Variants in NKTR observed in about 807,000 individuals in gnomAD.
The protein encoded by NKTR is NK-tumor recognition protein.
Under a neutral mutation model 156.3 loss-of-function variants are expected in NKTR, and 67 were observed. The observed-to-expected ratio is 0.43, with a 90% CI of 0.35 to 0.53. The LOEUF is 0.53. Ranked by LOEUF, NKTR falls within the 20% of genes least tolerant of loss-of-function variation. The pLI is 0.01. For missense variants in NKTR, 1,604 were observed against 1,730.9 expected (o/e 0.93, Z 1.30); for synonymous variants, 640 against 596.6 (o/e 1.07, Z -1.06).
chr3:42,617,910 A>C (rs1005892026), intron 3 of NKTR, among the ~76,000 whole-genome samples: 4 of 152,220 alleles, frequency 2.6e-5, no homozygotes, highest in Non-Finnish European at 5.9e-5. Context: ...ATTTTAATTT[A>C]TAAAATAATA....
intron 14 of NKTR, 89 bp from the exon 15 acceptor site, chr3:42,643,250 C>T (rs1710048468): frequency 2.0e-6 from 2 of 1,015,326 alleles, no homozygotes; most frequent in South Asian, 3.1e-5. Context: ...GTATTTTCAC[C>T]TTGATGGGCA....
chr3:42,606,143 T>G (rs1706209364), intron 2 of NKTR, among the ~76,000 whole-genome samples: 1 of 152,204 alleles, frequency 6.6e-6, no homozygotes, highest in African/African-American at 2.4e-5. Flanking sequence ...GTTGTAGGGT[T>G]TCCTCAATGA....
At chr3:42,611,638 C>G (rs947924699) in intron 2 of NKTR, among the ~76,000 whole-genome samples, 1 of 150,548 alleles carries the variant, frequency 6.6e-6, no homozygotes, top group Admixed American at 6.6e-5. Flanking sequence ...GAGGCTGAGG[C>G]AGGAGAATTG....
chr3:42,629,456 T>C, intron 6 of NKTR: 1 of 957,052 alleles, frequency 1.0e-6, no homozygotes, highest in African/African-American at 1.8e-5. Flanking sequence ...AGAATAAATA[T>C]TTTTAGCATT....
chr3:42,638,379 A>C lies in NKTR; in HGVS notation c.2675A>C (p.Glu892Ala), dbSNP rs548908309. 4.3e-6 allele frequency: 7 copies of C among 1,614,064 alleles called. No homozygotes were observed. The highest frequency in any genetic ancestry group is 5.9e-6 in the Non-Finnish European group (7 of 1,180,000). Residue 892 changes from glutamate (E) to alanine (A), a missense_variant, in exon 13 of 17, where the codon GAA (glutamate) becomes GCA (alanine). Physicochemically the swap from Glu to Ala is moderately radical, Grantham distance 107 (BLOSUM62 -1). This residue lies in a region of NKTR where 1,255 missense variants were observed against 1,243.7 expected (regional missense o/e 1.01). Coordinates refer to ENST00000232978, the MANE Select transcript of NKTR (RefSeq NM_005385.4). ...GSKWDSESNS[E>A]RDVTKNSKND... ...AAATGGGACTCTGAGTCAAATTCAG[A>C]ACGAGATGTCACTAAAAACAGTAAA...
At chr3:42,643,788 T>C in intron 15 of NKTR, 114 bp from the exon 16 acceptor site, 1 of 716,332 alleles carries the variant, frequency 1.4e-6, no homozygotes, top group Non-Finnish European at 2.5e-6. Flanking sequence ...ATCCTCATGC[T>C]GTCACCTAGT....
At chr3:42,631,426 C>A in intron 8 of NKTR, 110 bp downstream of exon 8, 2 of 1,225,918 alleles carry the variant, frequency 1.6e-6, no homozygotes, top group Non-Finnish European at 2.2e-6. Context: ...GCCCTTGGTG[C>A]CCCTGAATCA....
In NKTR at chr3:42,635,235, T is replaced by A. The variant is rs1174670024; in HGVS notation, c.1032T>A (p.Pro344=). 1 of 1,612,206 alleles carries A rather than the reference T, an allele frequency of 6.2e-7. No individual in the cohort carries two copies. Among genetic ancestry groups the A allele is most frequent in the East Asian group, 2.2e-5 (1 of 44,826 alleles). ...KGRGTIRYHT[P]PRSRSCSESD... is the part of the protein sequence containing the mutation. ...TGTTTTTAAAGCGCTATCACACACC[T>A]CCAAGATCAAGATCCTGTTCTGAGT... Residue 344 remains proline, a synonymous_variant, in exon 12 of 17, where the codon CCT becomes CCA. Coordinates refer to ENST00000232978, the MANE Select transcript of NKTR (RefSeq NM_005385.4).
intron 12 of NKTR, 39 bp from the exon 13 acceptor site, chr3:42,636,829 C>G (rs1301221291): frequency 2.6e-6 from 4 of 1,518,118 alleles, no homozygotes; most frequent in Non-Finnish European, 3.5e-6. Context: ...AGAAAACATG[C>G]TTATAAATCA....
chr3:42,620,137 G>T, intron 5 of NKTR: 1 of 1,443,754 alleles, frequency 6.9e-7, no homozygotes, highest in Non-Finnish European at 9.1e-7. Flanking sequence ...GGTTGTGGCT[G>T]GATTTCTATA....
Position 42,639,763 on chromosome 3 carries a change from C to G in NKTR, c.4046+13C>G, listed in dbSNP as rs1218629880. On this transcript the variant is annotated intron_variant, in intron 13 of 16. Coordinates refer to ENST00000232978, the MANE Select transcript of NKTR (RefSeq NM_005385.4). ...CATCATCTTATCGGTGAGCAATATT[C>G]TCTTTCCTTTCTTCTCCCAAGGAGA... 1 of 1,555,520 alleles carries G rather than the reference C, an allele frequency of 6.4e-7. No homozygotes were observed. Among genetic ancestry groups the G allele is most frequent in the Non-Finnish European group, 8.8e-7 (1 of 1,140,926 alleles).
At chr3:42,629,958 A>G in intron 6 of NKTR, 5 of 985,390 alleles carry the variant, frequency 5.1e-6, no homozygotes, top group South Asian at 9.4e-5. Flanking sequence ...TCCCTATCGC[A>G]TTTTCAGAGT....
chr3:42,628,130 T>C, intron 6 of NKTR: 4 of 983,282 alleles, frequency 4.1e-6, no homozygotes, highest in Middle Eastern at 5.2e-4. Context: ...TTAAATACTT[T>C]TAGTATTCTT....
intron 2 of NKTR, chr3:42,602,963 T>C (rs909823822): frequency 4.0e-5 from 6 of 150,716 alleles, no homozygotes; most frequent in Admixed American, 6.6e-5. Context: ...GAAGCAGAGG[T>C]TGCAGTGAGT....
At chr3:42,613,313 T>C (rs540798091) in intron 2 of NKTR, among the ~76,000 whole-genome samples, 49 of 152,298 alleles carry the variant, frequency 3.2e-4, no homozygotes, top group Middle Eastern at 6.8e-3. Flanking sequence ...CCCTGACATA[T>C]GGGTAAGATC....
At chr3:42,610,191 A>G (rs1337499356) in intron 2 of NKTR, among the ~76,000 whole-genome samples, 4 of 152,038 alleles carry the variant, frequency 2.6e-5, no homozygotes, top group African/African-American at 9.7e-5. Flanking sequence ...TTTAGTAGAG[A>G]CGGGGTTTCT....
chr3:42,619,015 TCCAG>T lies in NKTR; in HGVS notation c.134-4_134-1del. 6.5e-7 allele frequency: 1 copy of T among 1,540,242 alleles called. No individual in the cohort carries two copies. Among genetic ancestry groups the T allele is most frequent in the Non-Finnish European group, 8.7e-7 (1 of 1,147,276 alleles). ...TTCATTTCTTTTTTTTTTTTTTTTT[TCCAG>T]GAGAGAAAGGCCTTGGGAAAACAAC... On this transcript the variant is annotated splice_acceptor_variant and splice_polypyrimidine_tract_variant and intron_variant, in intron 3 of 16. Coordinates refer to ENST00000232978, the MANE Select transcript of NKTR (RefSeq NM_005385.4). LOFTEE classifies it high-confidence loss of function.
Position 42,638,669 on chromosome 3 carries a change from C to A in NKTR, c.2965C>A (p.His989Asn), listed in dbSNP as rs1271422133. Residue 989 changes from histidine to asparagine, a missense_variant, in exon 13 of 17, where the codon CAC becomes AAC. This residue lies in a region of NKTR where 1,255 missense variants were observed against 1,243.7 expected (regional missense o/e 1.01). Coordinates refer to ENST00000232978, the MANE Select transcript of NKTR (RefSeq NM_005385.4). ...HGSKENLKRE[H>N]TKKVKEKLKG... ...GTCAAAGGAAAATCTTAAAAGAGAACACACCAAAAAAGTGAAAGAGAAATT... is the reference window on the plus strand; with the variant it reads ...GTCAAAGGAAAATCTTAAAAGAGAAAACACCAAAAAAGTGAAAGAGAAATT... 1 of 1,610,606 alleles carries A rather than the reference C, an allele frequency of 6.2e-7. No individual in the cohort carries two copies. The highest frequency in any genetic ancestry group is 8.5e-7 in the Non-Finnish European group (1 of 1,179,206).
At chr3:42,629,240 T>A in intron 6 of NKTR, 2 of 979,036 alleles carry the variant, frequency 2.0e-6, no homozygotes, top group Non-Finnish European at 1.2e-6. Context: ...TTGCTGCCTG[T>A]TTTTATTTTT....
Sources: gnomAD v4.1 joint callset for allele counts (sites outside exome capture counted in the v4.1 genomes callset) on GRCh38, gnomAD v4.1.1 for gene constraint, gnomAD v4.1.1 regional missense constraint, MANE v1.5 for transcripts, NCBI Gene and HGNC (gene_info 2026-07-23, HGNC 2026-07-21) for gene names.